PLXDC1: variants seen among roughly 807,000 people sequenced by gnomAD.
PLXDC1 encodes the protein plexin domain containing 1, also known as plexin domain-containing protein 1.
Under a neutral mutation model 61.3 loss-of-function variants are expected in PLXDC1, and 39 were observed. The ratio of observed to expected loss-of-function variants is 0.64; its 90% confidence interval spans 0.49 to 0.83. The LOEUF (loss-of-function observed/expected upper bound fraction) is 0.83, where lower values mean the gene tolerates loss of function less well. Among genes scored for constraint, PLXDC1 ranks in the 40% least tolerant of loss-of-function variants. The pLI, the probability that PLXDC1 is intolerant of heterozygous loss-of-function variation, is 0.00. For synonymous variants in PLXDC1, 212 were observed against 254.5 expected (o/e 0.83, Z 1.59); for missense variants, 596 against 666.5 (o/e 0.89, Z 1.17).
At chr17:39,150,492 C>T in intron 1 of PLXDC1, among the ~76,000 whole-genome samples, 1 of 152,174 alleles carries the variant, frequency 6.6e-6, no homozygotes, top group Non-Finnish European at 1.5e-5. Flanking sequence ...GGCCAGGCTG[C>T]AAATTACCCA....
chr17:39,148,647 C>A (rs1305610412), intron 1 of PLXDC1, among the ~76,000 whole-genome samples: 1 of 152,134 alleles, frequency 6.6e-6, no homozygotes, highest in East Asian at 1.9e-4. Flanking sequence ...GTTAGCCAGG[C>A]TGGTCTCAAA....
chr17:39,151,009 T>C lies in PLXDC1; in HGVS notation c.76+353A>G, dbSNP rs1385598507. ...GCAGGGGCCTCCCCAGGCTCCCATC[T>C]CATCAGAATTCAGCCTTGCCTGGGG... On this transcript the variant is annotated intron_variant, in intron 1 of 13. Transcript: ENST00000315392. This position sits in a 1 kb window ranked among gnomAD's most constrained non-coding sequence, Gnocchi z 5.2. Among the ~76,000 whole-genome samples the C allele has an allele frequency of 6.6e-6, 1 of 152,104 alleles. No individual in the cohort carries two copies. Among genetic ancestry groups the C allele is most frequent in the Non-Finnish European group, 1.5e-5 (1 of 68,016 alleles).
chr17:39,065,265 A>G lies in PLXDC1; in HGVS notation c.*2575T>C, dbSNP rs1477600967. ...CAAAAAGTACTAGAGATGTGTCACC[A>G]AGAGAGGCCTATGGATTTCTTAAGC... On this transcript the variant is annotated 3_prime_UTR_variant, in exon 14 of 14. Transcript: ENST00000315392. 1 of 152,190 alleles carries G rather than the reference A, an allele frequency of 6.6e-6. No homozygotes were observed. The highest frequency in any genetic ancestry group is 1.5e-5 in the Non-Finnish European group (1 of 68,048). The allele number at this position is 152,190 out of a possible 1,614,324, so 9.4% of individuals were successfully genotyped here.
chr17:39,108,386 C>A lies in PLXDC1; in HGVS notation c.470-141G>T, dbSNP rs567253332. On this transcript the variant is annotated intron_variant, in intron 4 of 13. Coordinates refer to ENST00000315392, the MANE Select transcript of PLXDC1 (RefSeq NM_020405.5). The stretch of plus-strand genomic sequence containing the variant: ...ACCTCTGTCGCCCATCCCCATCTGG[C>A]GGGCTCTGGGTCTGGTGTGTATGGA... 1.9e-4 allele frequency: 167 copies of A among 865,286 alleles called. No homozygotes were observed. In the African/African-American group the frequency reaches 2.4e-3, roughly 12 times the overall value. 53.6% of individuals were successfully genotyped at this position (865,286 alleles called of 1,614,324 possible). A position where few individuals can be genotyped will look rare whatever the true frequency, so the allele number is the denominator to read the frequency against.
chr17:39,128,124 T>TAC (rs1911395537), intron 2 of PLXDC1, among the ~76,000 whole-genome samples: 2 of 110,914 alleles, frequency 1.8e-5, no homozygotes, highest in Non-Finnish European at 3.6e-5. Context: ...TGTATATATA[T>TAC]ATGTGTATAT....
At chr17:39,110,556 G>T (rs1024088070) in intron 2 of PLXDC1, among the ~76,000 whole-genome samples, 1 of 152,226 alleles carries the variant, frequency 6.6e-6, no homozygotes, top group East Asian at 1.9e-4. Context: ...AGCCGCAGGA[G>T]GAATGGAGGC....
intron 2 of PLXDC1, chr17:39,131,653 A>G (rs1228101809): frequency 6.6e-6 from 1 of 152,606 alleles, no homozygotes; most frequent in Non-Finnish European, 1.5e-5. Context: ...ATGCCCAGAC[A>G]ACCTTTATCT....
intron 7 of PLXDC1, among the ~76,000 whole-genome samples, chr17:39,092,613 C>G (rs144794083): frequency 3.9e-5 from 6 of 152,332 alleles, no homozygotes; most frequent in Admixed American, 3.9e-4. Context: ...TCCTGAGGTG[C>G]ACAGACAGAC....
rs1291982693 is a variant in PLXDC1 at position 39,128,107 on chromosome 17, A to ATATATATATATATACATATATATG, written c.255+11546_255+11547insCATATATATGTATATATATATATA. Among the ~76,000 whole-genome samples, 408 of 100,618 alleles carry ATATATATATATATACATATATATG rather than the reference A, an allele frequency of 4.1e-3. 36 individuals are homozygous for ATATATATATATATACATATATATG. The highest frequency in any genetic ancestry group is 0.016 in the African/African-American group (367 of 23,224). 66.0% of individuals were successfully genotyped at this position (100,618 alleles called of 152,430 possible). A position where few individuals can be genotyped will look rare whatever the true frequency, so the allele number is the denominator to read the frequency against. On this transcript the variant is annotated intron_variant, in intron 2 of 13. Transcript: ENST00000315392. ...TCTCTCTCTCTATGTGTATATATAT[A>ATATATATATATATACATATATATG]TATATATGTATATATATATGTGTAT...
rs1298383783 is a variant in PLXDC1 at position 39,086,878 on chromosome 17, A to AAAAG, written c.907+728_907+729insCTTT. On this transcript the variant is annotated intron_variant, in intron 8 of 13. Coordinates refer to ENST00000315392, the MANE Select transcript of PLXDC1 (RefSeq NM_020405.5). The stretch of plus-strand genomic sequence containing the variant: ...CTGTCTCAAAAAAAAAAAAAAAAAA[A>AAAAG]AAGAAGAAGAAAAAGAAGAAATGCC... Among the ~76,000 whole-genome samples, 16 of 150,858 alleles carry AAAAG rather than the reference A, an allele frequency of 1.1e-4. No homozygotes were observed. In the East Asian group the frequency reaches 2.4e-3, roughly 23 times the overall value.
At chr17:39,093,108 G>T (rs556662431) in intron 7 of PLXDC1, among the ~76,000 whole-genome samples, 1 of 152,296 alleles carries the variant, frequency 6.6e-6, no homozygotes, top group African/African-American at 2.4e-5. Context: ...TCACTCTGTT[G>T]CCAGGCTGGA....
rs763089392 is a variant in PLXDC1 at position 39,069,889 on chromosome 17, G to A, written c.1350C>T (p.His450=). Reference sequence around the variant, plus strand: ...AGAAGAGCGCAGCATTGGATGTGGGGTGGCCATTGATGTAAATTCCAGCCA... The same window carrying A: ...AGAAGAGCGCAGCATTGGATGTGGGATGGCCATTGATGTAAATTCCAGCCA... ...IILAGIYING[H]PTSNAALFFI... The change falls in exon 13 of 14, where the codon CAC becomes CAT. Residue 450 remains histidine, a synonymous_variant. Transcript: ENST00000315392. The A allele has an allele frequency of 6.2e-7, 1 of 1,614,010 alleles. No homozygotes were observed. Among genetic ancestry groups the A allele is most frequent in the Admixed American group, 1.7e-5 (1 of 60,028 alleles).
chr17:39,150,277 A>T (rs73983249), intron 1 of PLXDC1, among the ~76,000 whole-genome samples: 2 of 152,108 alleles, frequency 1.3e-5, no homozygotes, highest in African/African-American at 4.8e-5. Context: ...TCTTCTCAAT[A>T]GGGACCCAGG....
At chr17:39,069,589 A>AT (rs1598181191) in intron 13 of PLXDC1, among the ~76,000 whole-genome samples, 1 of 151,700 alleles carries the variant, frequency 6.6e-6, no homozygotes, top group Admixed American at 6.6e-5. Flanking sequence ...TCCTCTGGGG[A>AT]TTTTTTCTGA....
At chr17:39,115,512 T>G (rs1274087037) in intron 2 of PLXDC1, among the ~76,000 whole-genome samples, 1 of 152,138 alleles carries the variant, frequency 6.6e-6, no homozygotes, top group Non-Finnish European at 1.5e-5. Context: ...CTTTTATTAC[T>G]CCAGGACAGT....
rs5820274 is a variant in PLXDC1 at position 39,081,626 on chromosome 17, CAA to C, written c.989+1831_989+1832del. Among the ~76,000 whole-genome samples the C allele has an allele frequency of 5.4e-3, 744 of 138,392 alleles. 4 individuals carry two copies. Among genetic ancestry groups the C allele is most frequent in the African/African-American group, 0.014 (533 of 37,278 alleles). 90.8% of individuals were successfully genotyped at this position (138,392 alleles called of 152,430 possible). ...TGGGTGACAGAGCGAGACTCCGTCT[CAA>C]AAAAAAAAAAAATGCTTCTTGATAT... On this transcript the variant is annotated intron_variant, in intron 9 of 13. Coordinates refer to ENST00000315392, the MANE Select transcript of PLXDC1 (RefSeq NM_020405.5).
In PLXDC1 at chr17:39,105,966, GA is replaced by G; in HGVS notation, c.712-14del. 6.3e-7 allele frequency: 1 copy of G among 1,593,488 alleles called. No homozygotes were observed. Among genetic ancestry groups the G allele is most frequent in the Non-Finnish European group, 8.6e-7 (1 of 1,162,190 alleles). On this transcript the variant is annotated splice_polypyrimidine_tract_variant and intron_variant, in intron 6 of 13. Transcript: ENST00000315392. ...CAGACATAGGGATCTGCGGCAGGGA[GA>G]AGAGACTCCGTCCACCTCCCAAACG...
intron 2 of PLXDC1, among the ~76,000 whole-genome samples, chr17:39,112,799 A>G (rs1333210486): frequency 1.3e-5 from 2 of 152,032 alleles, no homozygotes; most frequent in Non-Finnish European, 2.9e-5. Context: ...AAAATTAGGG[A>G]AATAAACCTG....
At chr17:39,135,395 G>C (rs1392024096) in intron 2 of PLXDC1, among the ~76,000 whole-genome samples, 1 of 152,210 alleles carries the variant, frequency 6.6e-6, no homozygotes, top group African/African-American at 2.4e-5. Context: ...GGAAGTTCCT[G>C]GCCAGGCATG....
Sources: gnomAD v4.1 joint callset for allele counts (sites outside exome capture counted in the v4.1 genomes callset) on GRCh38, gnomAD v4.1.1 for gene constraint, Gnocchi (gnomAD v3.1) non-coding constraint, MANE v1.5 for transcripts, NCBI Gene and HGNC (gene_info 2026-07-23, HGNC 2026-07-21) for gene names.